Variants in UBE2U observed in about 807,000 individuals in gnomAD.
UBE2U encodes ubiquitin-conjugating enzyme E2 U.
Under a neutral mutation model 41.2 loss-of-function variants are expected in UBE2U, and 39 were observed. The observed-to-expected ratio is 0.95, with a 90% CI of 0.73 to 1.24. UBE2U has a LOEUF of 1.24. UBE2U is among the 50% of genes most tolerant of loss of function. The pLI is 0.00. For missense variants in UBE2U, 336 were observed against 363.1 expected (o/e 0.93, Z 0.61); for synonymous variants, 107 against 117.8 (o/e 0.91, Z 0.60).
chr1:64,211,629 C>G (rs1360889772), intron 4 of UBE2U, among the ~76,000 whole-genome samples: 1 of 151,596 alleles, frequency 6.6e-6, no homozygotes, highest in African/African-American at 2.4e-5. Flanking sequence ...TCTGTAGAGA[C>G]GGGGTCTCAC....
chr1:64,240,732 T>C (rs1644821279), intron 7 of UBE2U, among the ~76,000 whole-genome samples: 1 of 152,174 alleles, frequency 6.6e-6, no homozygotes, highest in African/African-American at 2.4e-5. Context: ...TTCATTATTG[T>C]TGCTCAAAAC....
intron 8 of UBE2U, among the ~76,000 whole-genome samples, chr1:64,254,260 C>A (rs1645057225): frequency 6.6e-6 from 1 of 152,150 alleles, no homozygotes; most frequent in African/African-American, 2.4e-5. Flanking sequence ...ATTCATAAAG[C>A]AAGTTCTTAG....
In UBE2U at chr1:64,249,553, A is replaced by G. The variant is rs948157066; in HGVS notation, c.677+7820A>G. Among the ~76,000 whole-genome samples the G allele has an allele frequency of 8.5e-5, 13 of 152,096 alleles. No homozygotes were observed. The South Asian group carries it at 1.0e-3, about 12-fold the overall frequency. On this transcript the variant is annotated intron_variant, in intron 8 of 9. Transcript: ENST00000371077. ...TCTTATAAAATATACTGAATTATCT[A>G]AAGAAAAACATGAATATGATGAAAG... is the stretch of plus-strand genomic sequence containing the variant.
intron 9 of UBE2U, among the ~76,000 whole-genome samples, chr1:64,264,229 G>T (rs1645220514): frequency 6.6e-6 from 1 of 152,158 alleles, no homozygotes; most frequent in African/African-American, 2.4e-5. Context: ...ACTATTTTCA[G>T]ATTAAAAATA....
Position 64,239,077 on chromosome 1 carries a change from AGAG to A in UBE2U, c.596-2572_596-2570del, listed in dbSNP as rs779473496. 9.1e-4 allele frequency among the ~76,000 whole-genome samples: 57 copies of A among 62,730 alleles called. 1 individual carries two copies. The highest frequency in any genetic ancestry group is 5.0e-3 in the Admixed American group (22 of 4,364). 41.2% of individuals were successfully genotyped at this position (62,730 alleles called of 152,430 possible). On this transcript the variant is annotated intron_variant, in intron 7 of 9. Coordinates refer to ENST00000371077, the MANE Select transcript of UBE2U (RefSeq NM_001366232.2). ...AAGAAGAAGAAGAAGAGGAAGAGGA[AGAG>A]GAAGAGGAAGAGGAAGAAGAAGAAG... is the stretch of plus-strand genomic sequence containing the variant.
At chr1:64,239,160 G>GAAGA (rs1369553209) in intron 7 of UBE2U, among the ~76,000 whole-genome samples, 2 of 70,898 alleles carry the variant, frequency 2.8e-5, no homozygotes, top group African/African-American at 5.6e-5. Context: ...GAAGAAGAAA[G>GAAGA]AAGAAGAAGA....
chr1:64,214,689 T>A, intron 4 of UBE2U, 126 bp from the exon 5 acceptor site: 1 of 674,578 alleles, frequency 1.5e-6, no homozygotes, highest in Non-Finnish European at 2.6e-6. Flanking sequence ...TTTTTTAATC[T>A]ATTTCCAGAT....
chr1:64,228,713 A>T (rs1653060918), intron 6 of UBE2U, among the ~76,000 whole-genome samples: 1 of 131,016 alleles, frequency 7.6e-6, no homozygotes, highest in African/African-American at 2.9e-5. Flanking sequence ...TTTTTAAGAC[A>T]GAGTCTTGCT....
chr1:64,254,479 A>G (rs971086898), intron 8 of UBE2U, among the ~76,000 whole-genome samples: 2 of 152,228 alleles, frequency 1.3e-5, no homozygotes, highest in African/African-American at 4.8e-5. Context: ...GCCACACAGC[A>G]CTTACTTTAA....
chr1:64,233,128 C>A (rs1015276798), intron 7 of UBE2U, among the ~76,000 whole-genome samples: 1 of 152,072 alleles, frequency 6.6e-6, no homozygotes. Flanking sequence ...CTGCCTCAGC[C>A]TCTCGAGTAG....
chr1:64,210,168 A>G (rs1651578166), intron 3 of UBE2U, among the ~76,000 whole-genome samples: 1 of 152,232 alleles, frequency 6.6e-6, no homozygotes. Context: ...AGAAAATCAA[A>G]TAGTCATTTT....
intron 5 of UBE2U, among the ~76,000 whole-genome samples, chr1:64,219,861 G>A (rs992270148): frequency 6.6e-6 from 1 of 152,160 alleles, no homozygotes; most frequent in Admixed American, 6.5e-5. Flanking sequence ...GCCTCCCAAA[G>A]TGCTGGGATT....
At chr1:64,264,696 T>C (rs1205012447) in intron 9 of UBE2U, among the ~76,000 whole-genome samples, 1 of 152,198 alleles carries the variant, frequency 6.6e-6, no homozygotes, top group East Asian at 1.9e-4. Context: ...CTCACGCCTG[T>C]AATCCCAACA....
chr1:64,239,107 A>AG (rs1557729822), intron 7 of UBE2U, among the ~76,000 whole-genome samples: 13 of 11,042 alleles, frequency 1.2e-3, no homozygotes, highest in African/African-American at 1.5e-3. Context: ...AAGAAGAAGA[A>AG]GAAGAAGAAG....
At chr1:64,253,251 T>C (rs1446938020) in intron 8 of UBE2U, among the ~76,000 whole-genome samples, 1 of 152,072 alleles carries the variant, frequency 6.6e-6, no homozygotes, top group Non-Finnish European at 1.5e-5. Context: ...AACTCTGAGA[T>C]ATATGGGATT....
intron 8 of UBE2U, among the ~76,000 whole-genome samples, chr1:64,247,527 G>A (rs1644941256): frequency 6.6e-6 from 1 of 152,034 alleles, no homozygotes; most frequent in South Asian, 2.1e-4. Flanking sequence ...GAGTATGGCG[G>A]ATAAGTAAGT....
At chr1:64,246,503 T>TA (rs1302207311) in intron 8 of UBE2U, among the ~76,000 whole-genome samples, 2 of 152,172 alleles carry the variant, frequency 1.3e-5, no homozygotes, top group African/African-American at 2.4e-5. Flanking sequence ...CTTTATTCCC[T>TA]AAAATTAAAC....
chr1:64,208,752 G>A (rs1317973884), intron 3 of UBE2U, among the ~76,000 whole-genome samples: 1 of 150,940 alleles, frequency 6.6e-6, no homozygotes, highest in Non-Finnish European at 1.5e-5. Flanking sequence ...TACGTGTATT[G>A]CTTCTAAACA....
intron 7 of UBE2U, among the ~76,000 whole-genome samples, chr1:64,235,307 A>G (rs1644645063): frequency 6.6e-6 from 1 of 152,226 alleles, no homozygotes; most frequent in Non-Finnish European, 1.5e-5. Context: ...CACTTGGTGC[A>G]TGATTTCACA....
Sources: allele counts gnomAD v4.1 joint callset (sites outside exome capture counted in the v4.1 genomes callset), GRCh38; gene constraint gnomAD v4.1.1; transcripts MANE v1.5; gene names NCBI Gene and HGNC (gene_info 2026-07-23, HGNC 2026-07-21).